The following XIRP2 variants were observed in gnomAD, a reference collection of about 807,000 sequenced individuals.
The protein encoded by XIRP2 is xin actin-binding repeat-containing protein 2.
XIRP2 carries 236 observed loss-of-function variants against 277.0 expected under a neutral mutation model. That is an observed-to-expected ratio of 0.85 (90% CI 0.77 to 0.95). The LOEUF is 0.95. XIRP2 is among the 40% of genes least tolerant of loss of function. The probability of loss-of-function intolerance (pLI) is 0.00; values close to 1 mark genes in which losing one functional copy is unlikely to be tolerated. For missense variants in XIRP2, 4,640 were observed against 4,157.5 expected, an observed-to-expected ratio of 1.12 and a Z score of -3.19; for synonymous variants, 1,490 against 1,416.5, an observed-to-expected ratio of 1.05 and a Z score of -1.17.
At chr2:167,032,038 A>C (rs1688378401) in intron 2 of XIRP2, among the ~76,000 whole-genome samples, 1 of 152,194 alleles carries the variant, frequency 6.6e-6, no homozygotes, top group Non-Finnish European at 1.5e-5. Context: ...GCATCATGCT[A>C]CCTGACTTCA....
chr2:167,218,404 T>C (rs1411603799), intron 5 of XIRP2, 104 bp downstream of exon 5: 2 of 1,098,800 alleles, frequency 1.8e-6, no homozygotes, highest in Non-Finnish European at 2.4e-6. Context: ...TTATTTTCAT[T>C]ACTCATTAAC....
rs186767701 is a variant in XIRP2 at position 167,161,994 on chromosome 2, A to G, written c.562+25932A>G. Among the ~76,000 whole-genome samples, 1,213 of 152,220 alleles carry G rather than the reference A, an allele frequency of 8.0e-3. 11 individuals are homozygous for G. The highest frequency in any genetic ancestry group is 0.01 in the Non-Finnish European group (682 of 68,008). ...TCTCTCTCAAGTTCAAAGTTCCACA[A>G]ATCTCTAGGGCTGGGCAAAATGCTC... is the stretch of plus-strand genomic sequence containing the variant. On this transcript the variant is annotated intron_variant, in intron 3 of 10. Transcript: ENST00000409195.
At position 167,057,407 on chromosome 2, in the gene XIRP2, A is replaced by AT. The variant is rs1411215883; in HGVS notation, c.409-78501dup. ...AGAAGTATAAAAAAGTGGAACCAGG[A>AT]TAGGAGAAGAATAACATTGTGACTT... On this transcript the variant is annotated intron_variant, in intron 2 of 10. Coordinates refer to ENST00000409195, the MANE Select transcript of XIRP2 (RefSeq NM_152381.6). Among the ~76,000 whole-genome samples, 5 of 152,144 alleles carry AT rather than the reference A, an allele frequency of 3.3e-5. No homozygotes were observed. In the East Asian group the frequency reaches 9.6e-4, roughly 29 times the overall value.
chr2:167,181,304 G>A (rs1353875083), intron 3 of XIRP2, among the ~76,000 whole-genome samples: 1 of 152,106 alleles, frequency 6.6e-6, no homozygotes, highest in Admixed American at 6.6e-5. Flanking sequence ...ATTATTTGGG[G>A]AAACTATTTG....
At chr2:166,926,822 C>T (rs1685200219) in intron 2 of XIRP2, among the ~76,000 whole-genome samples, 1 of 152,060 alleles carries the variant, frequency 6.6e-6, no homozygotes, top group South Asian at 2.1e-4. Flanking sequence ...TAGAACACAG[C>T]CCCAGAATCT....
intron 2 of XIRP2, among the ~76,000 whole-genome samples, chr2:167,090,436 T>C (rs1463852359): frequency 6.6e-6 from 1 of 152,126 alleles, no homozygotes; most frequent in Non-Finnish European, 1.5e-5. Context: ...AAAAACACTT[T>C]ATGGTCTTTT....
chr2:167,006,375 G>A (rs563870821), intron 2 of XIRP2, among the ~76,000 whole-genome samples: 1 of 151,752 alleles, frequency 6.6e-6, no homozygotes, highest in African/African-American at 2.4e-5. Context: ...TGACAAAAAG[G>A]TGGGGAGAAA....
chr2:167,024,193 G>C (rs1688079573), intron 2 of XIRP2, among the ~76,000 whole-genome samples: 1 of 152,002 alleles, frequency 6.6e-6, no homozygotes, highest in African/African-American at 2.4e-5. Flanking sequence ...GGATTCCTAG[G>C]TATTTTATTC....
Position 167,092,592 on chromosome 2 carries a change from C to T in XIRP2, c.409-43317C>T, listed in dbSNP as rs184423610. Among the ~76,000 whole-genome samples, 172 of 152,176 alleles carry T rather than the reference C, an allele frequency of 1.1e-3. 1 individual carries two copies. The highest frequency in any genetic ancestry group is 3.6e-3 in the African/African-American group (148 of 41,494). On this transcript the variant is annotated intron_variant, in intron 2 of 10. Coordinates refer to ENST00000409195, the MANE Select transcript of XIRP2 (RefSeq NM_152381.6). ...TTCAATGTTGAAAATAAAAAATATA[C>T]CCATTTCCAACGGGGCATCATTTCT...
intron 3 of XIRP2, among the ~76,000 whole-genome samples, chr2:167,136,785 A>G (rs1198891151): frequency 6.6e-6 from 1 of 152,198 alleles, no homozygotes; most frequent in Non-Finnish European, 1.5e-5. Flanking sequence ...TTTGTTAAAG[A>G]TCATAATTAG....
intron 3 of XIRP2, 122 bp downstream of exon 3, chr2:167,136,184 G>GTAT (rs1691546312): frequency 1.0e-6 from 1 of 972,816 alleles, no homozygotes; most frequent in Non-Finnish European, 1.4e-6. Flanking sequence ...ACTGCATATA[G>GTAT]TTTAGGAAAT....
chr2:166,922,215 T>TGG (rs1232490431), intron 2 of XIRP2, among the ~76,000 whole-genome samples: 1 of 152,114 alleles, frequency 6.6e-6, no homozygotes, highest in Non-Finnish European at 1.5e-5. Flanking sequence ...CCTGTTGCAT[T>TGG]GACCCTCTGG....
rs1273431002 is a variant in XIRP2 at position 166,998,287 on chromosome 2, T to A, written c.408+94397T>A. Reference sequence around the variant, plus strand: ...TAAAACAAAATTAAACTAAAAAAAATTAATTGACAAACCATTAGGTTAAGG... The same window carrying A: ...TAAAACAAAATTAAACTAAAAAAAAATAATTGACAAACCATTAGGTTAAGG... On this transcript the variant is annotated intron_variant, in intron 2 of 10. Transcript: ENST00000409195. 2.0e-5 allele frequency among the ~76,000 whole-genome samples: 3 copies of A among 152,178 alleles called. No individual in the cohort carries two copies. The East Asian group carries it at 5.8e-4, about 29-fold the overall frequency.
intron 3 of XIRP2, among the ~76,000 whole-genome samples, chr2:167,159,825 T>A (rs1692310607): frequency 6.6e-6 from 1 of 152,218 alleles, no homozygotes; most frequent in Non-Finnish European, 1.5e-5. Flanking sequence ...TGTTTTATTA[T>A]CATATATTAT....
chr2:167,187,125 A>G (rs533666019), intron 3 of XIRP2, among the ~76,000 whole-genome samples: 1 of 152,118 alleles, frequency 6.6e-6, no homozygotes, highest in African/African-American at 2.4e-5. Context: ...TGTAGCCTTT[A>G]TACAGAAATT....
At chr2:167,008,838 T>C (rs186580844) in intron 2 of XIRP2, among the ~76,000 whole-genome samples, 33 of 151,584 alleles carry the variant, frequency 2.2e-4, no homozygotes, top group East Asian at 1.9e-3. Context: ...TTTCATATTT[T>C]CTTAGTCACT....
intron 2 of XIRP2, among the ~76,000 whole-genome samples, chr2:167,063,759 G>A (rs1363652480): frequency 1.3e-5 from 2 of 150,966 alleles, no homozygotes; most frequent in Non-Finnish European, 3.0e-5. Flanking sequence ...CTTTTTATTT[G>A]TATTTTCTAG....
intron 1 of XIRP2, among the ~76,000 whole-genome samples, chr2:166,891,148 G>A (rs536765229): frequency 1.3e-5 from 2 of 152,314 alleles, no homozygotes; most frequent in African/African-American, 4.8e-5. Flanking sequence ...ATACGTGACT[G>A]TGGTAGCTGA....
At chr2:167,117,076 G>A (rs1177839667) in intron 2 of XIRP2, among the ~76,000 whole-genome samples, 1 of 152,096 alleles carries the variant, frequency 6.6e-6, no homozygotes, top group Non-Finnish European at 1.5e-5. Context: ...GATATGATTT[G>A]GGTTGGAATT....
Sources: gnomAD v4.1 joint callset for allele counts (sites outside exome capture counted in the v4.1 genomes callset) on GRCh38, gnomAD v4.1.1 for gene constraint, MANE v1.5 for transcripts, NCBI Gene and HGNC (gene_info 2026-07-23, HGNC 2026-07-21) for gene names.